Variants in NUP93 observed in about 807,000 individuals in gnomAD.
The protein encoded by NUP93 is nucleoporin 93, also known as nuclear pore complex protein Nup93.
A neutral mutation model predicts 107.8 loss-of-function variants in NUP93; 55 were observed. That is an observed-to-expected ratio of 0.51 (90% CI 0.41 to 0.64). NUP93 has a LOEUF of 0.64. Ranked by LOEUF, NUP93 falls within the 30% of genes least tolerant of loss-of-function variation. The pLI, the probability that NUP93 is intolerant of heterozygous loss-of-function variation, is 0.00. For synonymous variants in NUP93, 390 were observed against 397.5 expected, an observed-to-expected ratio of 0.98 and a Z score of 0.22; for missense variants, 937 against 1,044.7, an observed-to-expected ratio of 0.90 and a Z score of 1.42.
In NUP93 at chr16:56,849,912, A is replaced by T. The variant is rs1439967846; in HGVS notation, c.*5303A>T. ...GCTAGGCAGGCAGCTGAGCGGGATA[A>T]TGTGGGCCCCAGTTGACCTCAGTGG... On this transcript the variant is annotated 3_prime_UTR_variant, in exon 22 of 22. Transcript: ENST00000308159. 6.6e-6 allele frequency: 1 copy of T among 152,204 alleles called. No homozygotes were observed. The highest frequency in any genetic ancestry group is 1.5e-5 in the Non-Finnish European group (1 of 68,040). The allele number at this position is 152,204 out of a possible 1,614,324, so 9.4% of individuals were successfully genotyped here. A position where few individuals can be genotyped will look rare whatever the true frequency, so the allele number is the denominator to read the frequency against.
intron 3 of NUP93, chr16:56,781,906 C>T (rs1962522268): frequency 1.1e-5 from 11 of 985,320 alleles, no homozygotes; most frequent in African/African-American, 1.7e-5. Context: ...AATGGTGATG[C>T]TGTGCTCCGG....
At chr16:56,792,521 G>A (rs73555600) in intron 3 of NUP93, among the ~76,000 whole-genome samples, 4,294 of 152,274 alleles carry the variant, frequency 0.028, 73 homozygotes, top group South Asian at 0.06. Context: ...AGTTGGTAGA[G>A]GCTCAAGAAA....
Position 56,838,480 on chromosome 16 carries a change from T to C in NUP93, c.2019-472T>C, listed in dbSNP as rs541467191. Among the ~76,000 whole-genome samples the C allele has an allele frequency of 3.5e-4, 53 of 152,308 alleles. No homozygotes were observed. The South Asian group carries it at 0.011, about 30-fold the overall frequency. On this transcript the variant is annotated intron_variant, in intron 18 of 21. Coordinates refer to ENST00000308159, the MANE Select transcript of NUP93 (RefSeq NM_014669.5). ...TCATACCAAATCCACTATCAGTGCT[T>C]GGCTGTTTCAAAATAAACACCATTT...
In NUP93 at chr16:56,790,429, C is replaced by T. The variant is rs576357020; in HGVS notation, c.298-8047C>T. ...TGCACTTGAAAAAATCCTTGAGGCGCTCTCCGTGTAGGCACCACAAAAGGG... is the reference window on the plus strand; with the variant it reads ...TGCACTTGAAAAAATCCTTGAGGCGTTCTCCGTGTAGGCACCACAAAAGGG... On this transcript the variant is annotated intron_variant, in intron 3 of 21. Transcript: ENST00000308159. 2.6e-5 allele frequency among the ~76,000 whole-genome samples: 4 copies of T among 152,306 alleles called. No individual in the cohort carries two copies. The East Asian group carries it at 7.7e-4, about 29-fold the overall frequency.
intron 2 of NUP93, among the ~76,000 whole-genome samples, chr16:56,756,296 C>G (rs1962018685): frequency 7.9e-5 from 1 of 12,706 alleles, no homozygotes; most frequent in Non-Finnish European, 2.0e-4. Context: ...TCTCTCCTTG[C>G]CCCCCCCCCC....
chr16:56,734,926 CTCTA>C (rs1961588148), intron 1 of NUP93, among the ~76,000 whole-genome samples: 1 of 152,180 alleles, frequency 6.6e-6, no homozygotes, highest in South Asian at 2.1e-4. Flanking sequence ...CTGTGCCCAT[CTCTA>C]TCTTTCTGAC....
At chr16:56,772,741 G>C (rs1962346063) in intron 3 of NUP93, among the ~76,000 whole-genome samples, 1 of 152,220 alleles carries the variant, frequency 6.6e-6, no homozygotes, top group Admixed American at 6.5e-5. Flanking sequence ...CTCATGTTCT[G>C]CTCTTGTAAT....
rs557048586 is a variant in NUP93, at chr16:56,748,222, T to C, written c.-14-12T>C. The stretch of plus-strand genomic sequence containing the variant: ...CCTTGATTTAGATCTTTTCATTTTT[T>C]CTCCCATCTAGGATCTGCATCTCCA... On this transcript the variant is annotated splice_polypyrimidine_tract_variant and intron_variant, in intron 1 of 21. Coordinates refer to ENST00000308159, the MANE Select transcript of NUP93 (RefSeq NM_014669.5). 5 of 1,551,086 alleles carry C rather than the reference T, an allele frequency of 3.2e-6. No individual in the cohort carries two copies. In the African/African-American group the frequency reaches 5.5e-5, roughly 17 times the overall value.
intron 3 of NUP93, among the ~76,000 whole-genome samples, chr16:56,788,467 C>T (rs1441692187): frequency 1.3e-5 from 2 of 152,200 alleles, no homozygotes; most frequent in Non-Finnish European, 2.9e-5. Flanking sequence ...TGCTGAGAAG[C>T]ATTTTTTCCA....
intron 1 of NUP93, among the ~76,000 whole-genome samples, chr16:56,745,500 GT>G (rs1308153824): frequency 1.4e-4 from 22 of 152,208 alleles, no homozygotes; most frequent in Non-Finnish European, 5.9e-5. Flanking sequence ...AAGCTGGGAG[GT>G]TAGGGAGGGA....
rs201948167 is a variant in NUP93 at position 56,823,709 on chromosome 16, C to G, written c.657C>G (p.Ser219Arg). 3.5e-5 allele frequency: 57 copies of G among 1,613,890 alleles called. No homozygotes were observed. Among genetic ancestry groups the G allele is most frequent in the Non-Finnish European group, 4.7e-5 (55 of 1,179,918 alleles). ...CATGCAGTTTCATTTATGTGCAGAG[C>G]ATTTCCGACATGTGGACCATGGTAA... is the stretch of plus-strand genomic sequence containing the variant. Reference protein sequence around the residue: ...CASVAELDDKSISDMWTMVKQ... With the variant: ...CASVAELDDKRISDMWTMVKQ... The change falls in exon 8 of 22, where the codon AGC becomes AGG. Residue 219 changes from serine to arginine, a missense_variant and splice_region_variant. By Grantham distance (110) the Ser-to-Arg change is moderately radical (BLOSUM62 -1). Transcript: ENST00000308159.
rs775129973 is a variant in NUP93 at position 56,831,936 on chromosome 16, A to T, written c.1180A>T (p.Ile394Phe). 2 of 1,614,038 alleles carry T rather than the reference A, an allele frequency of 1.2e-6. No homozygotes were observed. Among genetic ancestry groups the T allele is most frequent in the East Asian group, 2.2e-5 (1 of 44,890 alleles). The change falls in exon 11 of 22, where the codon ATT (isoleucine) becomes TTT (phenylalanine). Residue 394 changes from isoleucine (I) to phenylalanine (F), a missense_variant. Physicochemically the swap from Ile to Phe is conservative, Grantham distance 21. Transcript: ENST00000308159. Reference protein sequence around the residue: ...DPYKRAVYCIIGRCDVTDNQS... With the variant: ...DPYKRAVYCIFGRCDVTDNQS... ...CTACAAGCGGGCCGTGTACTGTATC[A>T]TTGGCAGATGTGACGTCACCGACAA...
intron 15 of NUP93, 126 bp from the exon 16 acceptor site, chr16:56,834,608 G>T: frequency 1.8e-6 from 2 of 1,119,914 alleles, no homozygotes; most frequent in South Asian, 1.5e-5. Flanking sequence ...CAGTCACACT[G>T]ATTTTTAGTT....
intron 3 of NUP93, among the ~76,000 whole-genome samples, chr16:56,796,865 A>G (rs1330194373): frequency 6.6e-6 from 1 of 152,132 alleles, no homozygotes; most frequent in Non-Finnish European, 1.5e-5. Context: ...AGTCCCAGTT[A>G]GGAGGCTGAG....
chr16:56,748,778 A>AC (rs1358535786), intron 2 of NUP93, among the ~76,000 whole-genome samples: 1 of 152,022 alleles, frequency 6.6e-6, no homozygotes, highest in Non-Finnish European at 1.5e-5. Context: ...ATACGTATGG[A>AC]CCCCACAGAT....
chr16:56,735,931 GGACTTA>G (rs1265642999), intron 1 of NUP93, among the ~76,000 whole-genome samples: 9 of 152,104 alleles, frequency 5.9e-5, no homozygotes, highest in Non-Finnish European at 1.2e-4. Flanking sequence ...CATGTAAGAA[GGACTTA>G]GACTTAAAGG....
At chr16:56,794,898 A>G (rs1181315255) in intron 3 of NUP93, among the ~76,000 whole-genome samples, 3 of 126,728 alleles carry the variant, frequency 2.4e-5, no homozygotes, top group Non-Finnish European at 4.7e-5. Context: ...ATTGCCCTCC[A>G]GCCTGGGCGA....
chr16:56,820,073 G>C lies in NUP93; in HGVS notation c.564+1335G>C, dbSNP rs186033647. Among the ~76,000 whole-genome samples the C allele has an allele frequency of 1.0e-3, 154 of 152,252 alleles. 1 individual carries two copies. The highest frequency in any genetic ancestry group is 4.4e-4 in the Non-Finnish European group (30 of 68,012). ...TGGAGAGAAGCCTGATGAAATACAG[G>C]CTTCTGAGAAGAGAGACTATGTGTC... On this transcript the variant is annotated intron_variant, in intron 6 of 21. Coordinates refer to ENST00000308159, the MANE Select transcript of NUP93 (RefSeq NM_014669.5).
intron 3 of NUP93, among the ~76,000 whole-genome samples, chr16:56,784,926 T>G (rs1383380725): frequency 6.6e-6 from 1 of 152,210 alleles, no homozygotes; most frequent in Non-Finnish European, 1.5e-5. Flanking sequence ...GCCTTTTCAT[T>G]GACATAGGAA....
Sources: allele counts gnomAD v4.1 joint callset (sites outside exome capture counted in the v4.1 genomes callset), GRCh38; gene constraint gnomAD v4.1.1; transcripts MANE v1.5; gene names NCBI Gene and HGNC (gene_info 2026-07-23, HGNC 2026-07-21).